The following PTCH1 variants were observed in gnomAD, a reference collection of about 807,000 sequenced individuals.
PTCH1 encodes the protein protein patched homolog 1.
In PTCH1, 14 loss-of-function variants were observed where a neutral mutation model predicts 144.6. The ratio of observed to expected loss-of-function variants is 0.10; its 90% CI spans 0.06 to 0.15. The LOEUF (loss-of-function observed/expected upper bound fraction) is 0.15. Among genes scored for constraint, PTCH1 ranks in the 10% least tolerant of loss-of-function variants. PTCH1 has a pLI of 1.00. For missense variants in PTCH1, 1,623 were observed against 1,948.3 expected, an observed-to-expected ratio of 0.83 and a Z score of 3.14; for synonymous variants, 833 against 793.6, an observed-to-expected ratio of 1.05 and a Z score of -0.83.
At chr9:95,499,737 C>T (rs1450050201) in intron 2 of PTCH1, among the ~76,000 whole-genome samples, 1 of 151,942 alleles carries the variant, frequency 6.6e-6, no homozygotes, top group Non-Finnish European at 1.5e-5. Context: ...GTCCCCTTTA[C>T]AGTTATTTTA....
rs2118947639 is a variant in PTCH1 at position 95,514,393 on chromosome 9, CT to C, written c.3+2075del. 1.3e-5 allele frequency: 2 copies of C among 152,336 alleles called. 1 individual carries two copies. The highest frequency in any genetic ancestry group is 4.1e-4 in the South Asian group (2 of 4,824). 9.4% of individuals were successfully genotyped at this position (152,336 alleles called of 1,614,324 possible). The stretch of plus-strand genomic sequence containing the variant: ...GAGGCACACCATTCATTTCAGTGAT[CT>C]CTGCTATTGGGTCCTGCATGAAAAA... On this transcript the variant is annotated intron_variant, in intron 1 of 22. Coordinates refer to the PTCH1 transcript ENST00000430669.
Position 95,449,558 on chromosome 9 carries a change from C to T in PTCH1, c.3550-235G>A, listed in dbSNP as rs1270630065. The T allele has an allele frequency of 6.2e-6, 4 of 646,734 alleles. No homozygotes were observed. The highest frequency in any genetic ancestry group is 2.8e-5 in the Admixed American group (1 of 35,660). 40.1% of individuals were successfully genotyped at this position (646,734 alleles called of 1,614,324 possible). A position where few individuals can be genotyped will look rare whatever the true frequency, so the allele number is the denominator to read the frequency against. The stretch of plus-strand genomic sequence containing the variant: ...AAAGGCAGGATGTGTACTTTTTACT[C>T]TTGTGAAGTCCAATTATGCATCTCA... On this transcript the variant is annotated intron_variant, in intron 21 of 23. Coordinates refer to ENST00000331920, the MANE Select transcript of PTCH1 (RefSeq NM_000264.5). The surrounding 1 kb of genome is among the most constrained non-coding windows in gnomAD (Gnocchi z 5.3).
In PTCH1 at chr9:95,461,892, T is replaced by C. The variant is rs777777450; in HGVS notation, c.2667A>G (p.Gln889=). 2.5e-5 allele frequency: 41 copies of C among 1,614,242 alleles called. No individual in the cohort carries two copies. The highest frequency in any genetic ancestry group is 3.3e-5 in the Non-Finnish European group (39 of 1,180,040). The change falls in exon 16 of 24, where the codon CAA becomes CAG. Residue 889 remains glutamine (Q), a synonymous_variant. Coordinates refer to ENST00000331920, the MANE Select transcript of PTCH1 (RefSeq NM_000264.5). The part of the protein sequence containing the change: ...DGVLAYKLLV[Q]TGSRDKPIDI... ...CGATGGGCTTATCGCGGCTGCCGGT[T>C]TGCACCAGGAGTTTGTAGGCAAGGA...
At chr9:95,457,077 A>G (rs1263015024) in intron 18 of PTCH1, among the ~76,000 whole-genome samples, 2 of 152,160 alleles carry the variant, frequency 1.3e-5, no homozygotes, top group Non-Finnish European at 2.9e-5. Flanking sequence ...AAATCCAAGG[A>G]AAAGCTTCTT....
rs1841547213 is a variant in PTCH1, at chr9:95,481,719, G to GTAAAAGTGAATGAAATTTAATGACGCC, written c.746+203_746+229dup. 5 of 577,948 alleles carry GTAAAAGTGAATGAAATTTAATGACGCC rather than the reference G, an allele frequency of 8.7e-6. No individual in the cohort carries two copies. In the East Asian group the frequency reaches 1.4e-4, roughly 17 times the overall value. The allele number at this position is 577,948 out of a possible 1,614,324, so 35.8% of individuals were successfully genotyped here. A position where few individuals can be genotyped will look rare whatever the true frequency, so the allele number is the denominator to read the frequency against. On this transcript the variant is annotated intron_variant, in intron 5 of 23. Transcript: ENST00000331920. ...ATTTTATTTGCATATAAATAGGTTG[G>GTAAAAGTGAATGAAATTTAATGACGCC]TAAAAGTGAATGAAATTTAATGACG...
At chr9:95,510,048 A>G (rs1415605096), upstream of PTCH1, among the ~76,000 whole-genome samples, 4 of 150,734 alleles carry the variant, frequency 2.7e-5, no homozygotes, top group Non-Finnish European at 4.4e-5. Flanking sequence ...TCAGTGTTCT[A>G]TAAACGTGGA....
chr9:95,473,919 T>C (rs1840806308), intron 12 of PTCH1: 1 of 367,494 alleles, frequency 2.7e-6, no homozygotes, highest in Non-Finnish European at 5.4e-6. Flanking sequence ...TCTTGGAAGC[T>C]ATAGTTGCAA....
At chr9:95,452,438 C>T (rs889851564) in intron 20 of PTCH1, 3 of 152,114 alleles carry the variant, frequency 2.0e-5, no homozygotes, top group African/African-American at 7.2e-5. Flanking sequence ...TAATCCTGGA[C>T]TATCTTTTAC....
chr9:95,510,562 T>G (rs889358700), upstream of PTCH1, among the ~76,000 whole-genome samples: 2 of 152,106 alleles, frequency 1.3e-5, no homozygotes, highest in African/African-American at 4.8e-5. Context: ...TTCCAAGTTA[T>G]TACGTTCCTC....
intron 20 of PTCH1, chr9:95,451,380 C>A (rs1052618692): frequency 6.6e-6 from 1 of 152,208 alleles, no homozygotes; most frequent in East Asian, 1.9e-4. Context: ...TCAGGTTAAT[C>A]CATCCCATCC....
At chr9:95,470,897 C>G (rs373869611) in intron 12 of PTCH1, among the ~76,000 whole-genome samples, 2 of 152,058 alleles carry the variant, frequency 1.3e-5, no homozygotes, top group Admixed American at 1.3e-4. Context: ...CTGGCTAACA[C>G]GGTGAAACCC....
intron 1 of PTCH1, chr9:95,506,856 A>G (rs1843699476): frequency 8.5e-7 from 1 of 1,179,930 alleles, no homozygotes; most frequent in African/African-American, 1.6e-5. Flanking sequence ...TCCCTGAGCG[A>G]CTTGGGGCAC....
In PTCH1 at chr9:95,476,633, G is replaced by A. The variant is rs1841060702; in HGVS notation, c.1602+126C>T. 3 of 906,402 alleles carry A rather than the reference G, an allele frequency of 3.3e-6. No homozygotes were observed. The African/African-American group carries it at 5.0e-5, about 15-fold the overall frequency. 56.1% of individuals were successfully genotyped at this position (906,402 alleles called of 1,614,324 possible). A position where few individuals can be genotyped will look rare whatever the true frequency, so the allele number is the denominator to read the frequency against. The stretch of plus-strand genomic sequence containing the variant: ...CTTATTTCATTGACTGGCAGCCAGT[G>A]ACACATCATCTGACATGGGACTGAA... On this transcript the variant is annotated intron_variant, in intron 11 of 23. Coordinates refer to ENST00000331920, the MANE Select transcript of PTCH1 (RefSeq NM_000264.5). The surrounding 1 kb of genome is among the most constrained non-coding windows in gnomAD (Gnocchi z 4.6).
intron 2 of PTCH1, among the ~76,000 whole-genome samples, chr9:95,506,010 G>GA (rs1843577928): frequency 1.4e-5 from 2 of 148,100 alleles, no homozygotes; most frequent in Middle Eastern, 3.4e-3. Flanking sequence ...GGGGGTGGGG[G>GA]AGAGAAGAAA....
chr9:95,489,529 T>G (rs909437051), intron 2 of PTCH1, among the ~76,000 whole-genome samples: 2 of 152,234 alleles, frequency 1.3e-5, no homozygotes, highest in East Asian at 3.9e-4. Context: ...TTCATTTTTT[T>G]GGGTAGATAC....
At chr9:95,501,985 A>C (rs546099557) in intron 2 of PTCH1, among the ~76,000 whole-genome samples, 2 of 152,188 alleles carry the variant, frequency 1.3e-5, no homozygotes, top group African/African-American at 4.8e-5. Flanking sequence ...AGGGATGGCT[A>C]GTAGGAAGAG....
intron 14 of PTCH1, 120 bp downstream of exon 14, chr9:95,468,631 A>T: frequency 1.5e-6 from 2 of 1,373,956 alleles, no homozygotes; most frequent in Non-Finnish European, 2.0e-6. Flanking sequence ...AATGTATCAT[A>T]CTTAAACGAA....
rs141134542 is a variant in PTCH1, at chr9:95,467,357, G to A, written c.2319C>T (p.Asp773=). 773 of 1,614,174 alleles carry A rather than the reference G, an allele frequency of 4.8e-4. 2 individuals carry two copies. The highest frequency in any genetic ancestry group is 6.4e-4 in the Non-Finnish European group (759 of 1,180,038). ...VSLYGTTRVR[D]GLDLTDIVPR... ...GTACAATGTCCGTAAGGTCCAGCCCGTCTCTCACTCGGGTGGTGCCATAAA... is the reference window on the plus strand; with the variant it reads ...GTACAATGTCCGTAAGGTCCAGCCCATCTCTCACTCGGGTGGTGCCATAAA... The change falls in exon 15 of 24, where the codon GAC becomes GAT. Residue 773 remains aspartate, a synonymous_variant. Transcript: ENST00000331920.
At chr9:95,485,929 T>C (rs1471416418) in intron 2 of PTCH1, 55 bp from the exon 3 acceptor site, 6 of 1,592,428 alleles carry the variant, frequency 3.8e-6, no homozygotes, top group African/African-American at 1.3e-5. Flanking sequence ...AAACTCATGT[T>C]TTATCTGTTA....
Sources: gnomAD v4.1 joint callset for allele counts (sites outside exome capture counted in the v4.1 genomes callset) on GRCh38, gnomAD v4.1.1 for gene constraint, Gnocchi (gnomAD v3.1) non-coding constraint, MANE v1.5 for transcripts, NCBI Gene and HGNC (gene_info 2026-07-23, HGNC 2026-07-21) for gene names.